The following DMD variants were observed in gnomAD, a reference collection of about 807,000 sequenced individuals.
DMD encodes mutant dystrophin.
Under a neutral mutation model 330.1 loss-of-function variants are expected in DMD, and 63 were observed. That is an observed-to-expected ratio of 0.19 (90% confidence interval 0.16 to 0.24). The LOEUF is 0.24. Among genes scored for constraint, DMD ranks in the 10% least tolerant of loss-of-function variants. DMD has a pLI of 1.00. For missense variants in DMD, 3,344 were observed against 2,684.1 expected (o/e 1.25, Z -5.43); for synonymous variants, 1,223 against 959.8 (o/e 1.27, Z -5.07).
At chrX:31,734,224 A>AT (rs1192074578) in intron 51 of DMD, among the ~76,000 whole-genome samples, 135 of 106,896 alleles carry the variant, frequency 1.3e-3, no homozygotes, top group African/African-American at 4.3e-3. Context: ...TTATATATAT[A>AT]TATTTTTTTT....
At chrX:32,592,552 G>A (rs1423411085) in intron 13 of DMD, among the ~76,000 whole-genome samples, 4 of 111,312 alleles carry the variant, frequency 3.6e-5, no homozygotes, top group Non-Finnish European at 5.7e-5. Flanking sequence ...CTGTTCTCTC[G>A]CTCAATGAAG....
chrX:31,137,789 G>C (rs1366934817), intron 76 of DMD, among the ~76,000 whole-genome samples: 1 of 110,979 alleles, frequency 9.0e-6, no homozygotes, highest in Non-Finnish European at 1.9e-5. Flanking sequence ...GGGCTAGCAA[G>C]GGACAATGAG....
At chrX:32,763,803 A>G (rs1482912320) in intron 7 of DMD, among the ~76,000 whole-genome samples, 3 of 111,391 alleles carry the variant, frequency 2.7e-5, no homozygotes, top group Non-Finnish European at 5.7e-5. Context: ...TCCAAAAGCA[A>G]TCGTGCTCTC....
chrX:31,510,669 G>C lies in DMD; in HGVS notation c.8218-3216C>G, dbSNP rs746315598. On this transcript the variant is annotated intron_variant, in intron 55 of 78. Transcript: ENST00000357033. Reference sequence around the variant, plus strand: ...ACTATAGGCGCCCGCCACCACGCCTGGCTAATTTTTTTTGTATTTTTAGTA... The same window carrying C: ...ACTATAGGCGCCCGCCACCACGCCTCGCTAATTTTTTTTGTATTTTTAGTA... Among the ~76,000 whole-genome samples the C allele has an allele frequency of 4.6e-5, 5 of 108,936 alleles. No individual in the cohort carries two copies. The East Asian group carries it at 1.4e-3, about 32-fold the overall frequency. The allele number at this position is 108,936 out of a possible 115,157, so 94.6% of individuals were successfully genotyped here.
At position 32,468,670 on chromosome X, in the gene DMD, T is replaced by A; in HGVS notation, c.2990A>T (p.Tyr997Phe). ...SSLQEQQSGL[Y>F]YLSTTVKEMS... Reference sequence around the variant, plus strand: ...CTCTTTCACAGTGGTGCTGAGATAGTATAGGCCACTTTGTTGCTCTTGCAG... The same window carrying A: ...CTCTTTCACAGTGGTGCTGAGATAGAATAGGCCACTTTGTTGCTCTTGCAG... Residue 997 changes from tyrosine (Y) to phenylalanine (F), a missense_variant, in exon 23 of 79, where the codon TAC becomes TTC. Transcript: ENST00000357033. 8.3e-7 allele frequency: 1 copy of A among 1,211,373 alleles called. No individual in the cohort carries two copies. The highest frequency in any genetic ancestry group is 1.1e-6 in the Non-Finnish European group (1 of 895,293).
chrX:32,117,689 C>T (rs2096616923), intron 44 of DMD, among the ~76,000 whole-genome samples: 1 of 112,109 alleles, frequency 8.9e-6, no homozygotes, highest in East Asian at 2.8e-4. Context: ...TATGATTTAA[C>T]CTTGTCGCAA....
At chrX:32,942,317 T>A (rs2090481213) in intron 2 of DMD, among the ~76,000 whole-genome samples, 1 of 111,550 alleles carries the variant, frequency 9.0e-6, no homozygotes, top group Non-Finnish European at 1.9e-5. Flanking sequence ...CCGAGGCGGG[T>A]GGATCACCTG....
At chrX:31,236,685 A>T (rs1409988659) in intron 63 of DMD, among the ~76,000 whole-genome samples, 1 of 112,382 alleles carries the variant, frequency 8.9e-6, no homozygotes, top group African/African-American at 3.2e-5. Context: ...TTAAAAACAT[A>T]CAAGTTACTT....
chrX:33,054,754 C>T (rs2094498494), intron 1 of DMD, among the ~76,000 whole-genome samples: 1 of 111,911 alleles, frequency 8.9e-6, no homozygotes, highest in Non-Finnish European at 1.9e-5. Flanking sequence ...CCTGGCAAAA[C>T]ATGATGGCTG....
At chrX:32,722,387 G>A (rs996635917) in intron 7 of DMD, among the ~76,000 whole-genome samples, 5 of 110,276 alleles carry the variant, frequency 4.5e-5, no homozygotes, top group Non-Finnish European at 9.5e-5. Context: ...ACAAATAATC[G>A]ATAGATGTTT....
chrX:31,918,436 C>T (rs1174586268), intron 47 of DMD, among the ~76,000 whole-genome samples: 2 of 110,772 alleles, frequency 1.8e-5, no homozygotes, highest in African/African-American at 3.3e-5. Flanking sequence ...GAAGGTGGAA[C>T]GGTGGCACTC....
At chrX:32,323,435 T>C (rs1455787720) in intron 41 of DMD, among the ~76,000 whole-genome samples, 1 of 111,866 alleles carries the variant, frequency 8.9e-6, no homozygotes, top group Non-Finnish European at 1.9e-5. Flanking sequence ...GAAGTGATAG[T>C]GTAATTTAAG....
chrX:33,310,829 A>G (rs1391302293), intron 1 of DMD, among the ~76,000 whole-genome samples: 1 of 111,171 alleles, frequency 9.0e-6, no homozygotes, highest in Non-Finnish European at 1.9e-5. Flanking sequence ...AGATGTCCCT[A>G]AAACATTCTA....
intron 41 of DMD, among the ~76,000 whole-genome samples, chrX:32,320,112 T>C (rs953778144): frequency 9.0e-6 from 1 of 111,098 alleles, no homozygotes; most frequent in Non-Finnish European, 1.9e-5. Flanking sequence ...TTCACCCTCC[T>C]ATATCGCTTT....
rs181542489 is a variant in DMD, at chrX:32,342,772, T to G, written c.5739+362A>C. On this transcript the variant is annotated intron_variant, in intron 40 of 78. Transcript: ENST00000357033. ...TAAATCTATAGAGAGTGAACACTGATGTGTGAAGATGCTCTGATGAAATGA... is the reference window on the plus strand; with the variant it reads ...TAAATCTATAGAGAGTGAACACTGAGGTGTGAAGATGCTCTGATGAAATGA... 6 of 338,338 alleles carry G rather than the reference T, an allele frequency of 1.8e-5. No homozygotes were observed. In the Admixed American group the frequency reaches 2.1e-4, roughly 12 times the overall value. The allele number at this position is 338,338 out of a possible 1,213,427, so 27.9% of individuals were successfully genotyped here. A position where few individuals can be genotyped will look rare whatever the true frequency, so the allele number is the denominator to read the frequency against.
At chrX:32,046,834 C>G (rs927877706) in intron 44 of DMD, among the ~76,000 whole-genome samples, 1 of 111,861 alleles carries the variant, frequency 8.9e-6, no homozygotes, top group African/African-American at 3.2e-5. Context: ...GCCACATGAC[C>G]TGTGGGAAAT....
intron 2 of DMD, among the ~76,000 whole-genome samples, chrX:32,949,891 T>C (rs1418502468): frequency 1.4e-5 from 1 of 71,038 alleles, no homozygotes; most frequent in South Asian, 4.8e-4. Flanking sequence ...AACTCCATCA[T>C]ATGGAGCCCA....
At chrX:31,417,267 A>C (rs1457094386) in intron 60 of DMD, among the ~76,000 whole-genome samples, 3 of 111,229 alleles carry the variant, frequency 2.7e-5, no homozygotes, top group African/African-American at 6.5e-5. Context: ...CAAGCCTATA[A>C]TTTCTTTTTT....
intron 9 of DMD, among the ~76,000 whole-genome samples, chrX:32,656,402 C>T (rs938671168): frequency 9.0e-6 from 1 of 111,669 alleles, no homozygotes; most frequent in South Asian, 3.8e-4. Context: ...ATCTACACAA[C>T]ATTTAAGAGA....
Sources: gnomAD v4.1 joint callset for allele counts (sites outside exome capture counted in the v4.1 genomes callset) on GRCh38, gnomAD v4.1.1 for gene constraint, MANE v1.5 for transcripts, NCBI Gene and HGNC (gene_info 2026-07-23, HGNC 2026-07-21) for gene names.